Variants in SCIN observed in about 807,000 individuals in gnomAD.
SCIN encodes the protein adseverin.
In SCIN, 91 loss-of-function variants were observed where a neutral mutation model predicts 91.8. That is an observed-to-expected ratio of 0.99 (90% CI 0.84 to 1.18). The LOEUF (loss-of-function observed/expected upper bound fraction) is 1.18. Ranked by LOEUF, SCIN falls within the 50% of genes most tolerant of loss-of-function variation. The pLI is 0.00. For synonymous variants in SCIN, 367 were observed against 312.6 expected, an observed-to-expected ratio of 1.17 and a Z score of -1.84; for missense variants, 1,087 against 863.9, an observed-to-expected ratio of 1.26 and a Z score of -3.24.
rs1470014262 is a variant in SCIN at position 12,658,907 on chromosome 7, A to T, written c.*6192A>T. ...TCAGCATACAAATTCAGAGGGGTGA[A>T]AGTAGGCAATGACACCACTATTTAT... is the stretch of plus-strand genomic sequence containing the variant. On this transcript the variant is annotated 3_prime_UTR_variant, in exon 16 of 16. Coordinates refer to ENST00000297029, the MANE Select transcript of SCIN (RefSeq NM_001112706.3). 1 of 152,128 alleles carries T rather than the reference A, an allele frequency of 6.6e-6. No homozygotes were observed. The highest frequency in any genetic ancestry group is 1.5e-5 in the Non-Finnish European group (1 of 68,074). The allele number at this position is 152,128 out of a possible 1,614,324, so 9.4% of individuals were successfully genotyped here.
chr7:12,587,216 A>C (rs1435286575), intron 3 of SCIN, among the ~76,000 whole-genome samples: 1 of 152,220 alleles, frequency 6.6e-6, no homozygotes, highest in African/African-American at 2.4e-5. Flanking sequence ...TACAATTTTT[A>C]CATGTCAACT....
At chr7:12,571,555 G>C (rs1372600904) in intron 1 of SCIN, 3 of 466,576 alleles carry the variant, frequency 6.4e-6, no homozygotes, top group South Asian at 4.7e-5. Flanking sequence ...GATTCTACCC[G>C]CACCATGCTG....
At chr7:12,630,017 A>G (rs931779406) in intron 9 of SCIN, among the ~76,000 whole-genome samples, 2 of 152,158 alleles carry the variant, frequency 1.3e-5, no homozygotes, top group African/African-American at 4.8e-5. Flanking sequence ...GGCGTAAGGT[A>G]CAAAGGCAGG....
chr7:12,649,255 T>C (rs1397685064), intron 13 of SCIN, among the ~76,000 whole-genome samples: 1 of 152,234 alleles, frequency 6.6e-6, no homozygotes, highest in East Asian at 1.9e-4. Context: ...ATGTTTATAT[T>C]AAATACTGTT....
intron 4 of SCIN, among the ~76,000 whole-genome samples, chr7:12,615,047 C>T (rs1445042067): frequency 6.6e-6 from 1 of 152,170 alleles, no homozygotes; most frequent in Non-Finnish European, 1.5e-5. Context: ...CTGTGGATCA[C>T]ACCCAAACTG....
At chr7:12,620,609 G>A (rs1783388114) in intron 4 of SCIN, among the ~76,000 whole-genome samples, 1 of 152,100 alleles carries the variant, frequency 6.6e-6, no homozygotes, top group African/African-American at 2.4e-5. Flanking sequence ...GGAATAAACA[G>A]GAATCAGTGA....
At chr7:12,599,548 G>C (rs1426530852) in intron 3 of SCIN, among the ~76,000 whole-genome samples, 16 of 152,100 alleles carry the variant, frequency 1.1e-4, no homozygotes, top group Admixed American at 1.0e-3. Context: ...TAGTGGGTTT[G>C]CTGGATCAAA....
chr7:12,598,398 G>A (rs1038307115), intron 3 of SCIN, among the ~76,000 whole-genome samples: 1 of 151,944 alleles, frequency 6.6e-6, no homozygotes, highest in African/African-American at 2.4e-5. Context: ...TAAGTGTTGG[G>A]CCGCACAGTT....
chr7:12,601,831 T>A (rs849774), intron 3 of SCIN, among the ~76,000 whole-genome samples: 132,306 of 152,238 alleles, frequency 0.87, 57,857 homozygotes, highest in East Asian at 1. Flanking sequence ...TTTATTGTAT[T>A]CTTGATGATA....
chr7:12,596,382 C>T lies in SCIN; in HGVS notation c.517-8132C>T, dbSNP rs143840916. On this transcript the variant is annotated intron_variant, in intron 3 of 15. Coordinates refer to ENST00000297029, the MANE Select transcript of SCIN (RefSeq NM_001112706.3). ...ATTAAGTGCAATAGGTGTGGACCAT[C>T]AGGAAATGGCCTCCCTGATGTCTGC... 2.6e-3 allele frequency: 1,180 copies of T among 455,042 alleles called. 15 individuals are homozygous for T. The highest frequency in any genetic ancestry group is 0.022 in the African/African-American group (1,087 of 49,652). The allele number at this position is 455,042 out of a possible 1,614,324, so 28.2% of individuals were successfully genotyped here.
chr7:12,608,054 C>T (rs151097663), intron 4 of SCIN, among the ~76,000 whole-genome samples: 4 of 152,224 alleles, frequency 2.6e-5, no homozygotes, highest in Admixed American at 6.5e-5. Context: ...CCTCAAAATA[C>T]GTTTATGCTC....
intron 1 of SCIN, among the ~76,000 whole-genome samples, chr7:12,572,100 G>C (rs1432419073): frequency 6.6e-6 from 1 of 152,152 alleles, no homozygotes; most frequent in African/African-American, 2.4e-5. Context: ...AAGATTTTAA[G>C]AAACAAAATA....
chr7:12,601,010 G>T (rs1465153312), intron 3 of SCIN, among the ~76,000 whole-genome samples: 2 of 152,182 alleles, frequency 1.3e-5, no homozygotes, highest in Non-Finnish European at 2.9e-5. Context: ...TTAAAAAGAA[G>T]CAATAGAAGT....
intron 3 of SCIN, among the ~76,000 whole-genome samples, chr7:12,587,355 G>C (rs1562598387): frequency 6.6e-6 from 1 of 152,212 alleles, no homozygotes; most frequent in Non-Finnish European, 1.5e-5. Flanking sequence ...GGGGTGGGGA[G>C]TGAGGATGAG....
At chr7:12,644,560 G>T (rs1358217924) in intron 12 of SCIN, 24 bp from the exon 13 acceptor site, 1 of 1,612,288 alleles carries the variant, frequency 6.2e-7, no homozygotes, top group Non-Finnish European at 8.5e-7. Context: ...AAATGCACTG[G>T]ATAACTGAGT....
chr7:12,571,024 G>T (rs1172333100), intron 1 of SCIN, 39 bp downstream of exon 1: 1 of 1,530,602 alleles, frequency 6.5e-7, no homozygotes, highest in South Asian at 1.2e-5. Context: ...ACGCACCAAG[G>T]CCGGCGAGGG....
At chr7:12,623,926 T>A (rs1562621231) in intron 5 of SCIN, among the ~76,000 whole-genome samples, 1 of 152,202 alleles carries the variant, frequency 6.6e-6, no homozygotes, top group Non-Finnish European at 1.5e-5. Context: ...ATTTTGTGAC[T>A]GCTTTTAAAA....
At position 12,570,874 on chromosome 7, in the gene SCIN, G is replaced by A. The variant is rs1254639261; in HGVS notation, c.88G>A (p.Val30Met). 6.4e-7 allele frequency: 1 copy of A among 1,551,610 alleles called. No homozygotes were observed. ...CTGGAGGATTGAGAAGCTGGAGCTG[G>A]TGCCCGTGCCCCAGAGCGCTCACGG... ...QVWRIEKLEL[V>M]PVPQSAHGDF... The change falls in exon 1 of 16, where the codon GTG becomes ATG. Residue 30 changes from valine to methionine, a missense_variant. Coordinates refer to ENST00000297029, the MANE Select transcript of SCIN (RefSeq NM_001112706.3).
chr7:12,616,915 C>A (rs1160554325), intron 4 of SCIN, among the ~76,000 whole-genome samples: 1 of 152,066 alleles, frequency 6.6e-6, no homozygotes, highest in Non-Finnish European at 1.5e-5. Flanking sequence ...AGACTTTTCT[C>A]CAGGTTTTGC....
Sources: allele counts gnomAD v4.1 joint callset (sites outside exome capture counted in the v4.1 genomes callset), GRCh38; gene constraint gnomAD v4.1.1; transcripts MANE v1.5; gene names NCBI Gene and HGNC (gene_info 2026-07-23, HGNC 2026-07-21).